The following ECPAS variants were observed in gnomAD, a reference collection of about 807,000 sequenced individuals.
ECPAS encodes the protein proteasome adapter and scaffold protein ECM29.
In ECPAS, 70 loss-of-function variants were observed where a neutral mutation model predicts 255.1. That is an observed-to-expected ratio of 0.27 (90% CI 0.23 to 0.33). ECPAS has a LOEUF of 0.33. Among genes scored for constraint, ECPAS ranks in the 10% least tolerant of loss-of-function variants. ECPAS has a pLI of 1.00. For missense variants in ECPAS, 1,817 were observed against 2,206.4 expected (o/e 0.82, Z 3.54); for synonymous variants, 784 against 775.0 (o/e 1.01, Z -0.19).
chr9:111,362,920 G>C (rs550040781), intron 49 of ECPAS, among the ~76,000 whole-genome samples: 2 of 152,288 alleles, frequency 1.3e-5, no homozygotes, highest in East Asian at 3.9e-4. Context: ...AGCCCTAAGA[G>C]AGGTGTTTTA....
intron 9 of ECPAS, among the ~76,000 whole-genome samples, chr9:111,430,195 C>T (rs1387664665): frequency 6.6e-6 from 1 of 152,150 alleles, no homozygotes; most frequent in African/African-American, 2.4e-5. Context: ...GGCACACAAC[C>T]ATGCTCATTC....
intron 2 of ECPAS, among the ~76,000 whole-genome samples, chr9:111,452,540 G>A (rs2098261671): frequency 6.6e-6 from 1 of 152,046 alleles, no homozygotes; most frequent in Non-Finnish European, 1.5e-5. Context: ...CACTGGGGAG[G>A]GGTTATGTAA....
rs1203490921 is a variant in ECPAS, at chr9:111,391,742, T to C, written c.3161+14A>G. The C allele has an allele frequency of 6.5e-7, 1 of 1,533,266 alleles. No individual in the cohort carries two copies. The highest frequency in any genetic ancestry group is 9.0e-7 in the Non-Finnish European group (1 of 1,109,826). The allele number at this position is 1,533,266 out of a possible 1,614,324, so 95.0% of individuals were successfully genotyped here. A position where few individuals can be genotyped will look rare whatever the true frequency, so the allele number is the denominator to read the frequency against. On this transcript the variant is annotated intron_variant, in intron 29 of 49. Coordinates refer to ENST00000684092, the MANE Select transcript of ECPAS (RefSeq NM_001364929.1). ...TTAAAGATGTTTACCATTCAATGGA[T>C]TTAGCATACTTACCCATCTGGTGTT...
At chr9:111,399,433 G>A (rs755706210) in intron 24 of ECPAS, among the ~76,000 whole-genome samples, 2 of 152,208 alleles carry the variant, frequency 1.3e-5, no homozygotes, top group African/African-American at 2.4e-5. Flanking sequence ...CTGTGTGCTT[G>A]GGTGAAGCAG....
At chr9:111,404,956 A>G (rs2098181856) in intron 24 of ECPAS, among the ~76,000 whole-genome samples, 1 of 149,632 alleles carries the variant, frequency 6.7e-6, no homozygotes. Context: ...CATGGATTGA[A>G]ATCGTATTAT....
At chr9:111,384,495 A>G in intron 34 of ECPAS, 27 bp downstream of exon 34, 1 of 1,606,538 alleles carries the variant, frequency 6.2e-7, no homozygotes. Context: ...GCTCCACTCC[A>G]TTCCCAATGT....
intron 1 of ECPAS, among the ~76,000 whole-genome samples, chr9:111,478,085 G>C (rs903858913): frequency 2.0e-5 from 3 of 151,336 alleles, no homozygotes; most frequent in Admixed American, 6.6e-5. Context: ...ATTTTTTGTA[G>C]TAACAGGGTT....
intron 1 of ECPAS, among the ~76,000 whole-genome samples, chr9:111,479,819 A>C (rs1420458484): frequency 1.3e-5 from 2 of 151,930 alleles, no homozygotes; most frequent in Non-Finnish European, 2.9e-5. Flanking sequence ...TCTCTACTAA[A>C]AATGCAAAAA....
At chr9:111,468,328 A>G (rs933272045) in intron 2 of ECPAS, among the ~76,000 whole-genome samples, 1 of 152,158 alleles carries the variant, frequency 6.6e-6, no homozygotes, top group Non-Finnish European at 1.5e-5. Context: ...AAGATTCCAA[A>G]ACTACTAAGT....
chr9:111,437,173 C>T, intron 6 of ECPAS, 65 bp from the exon 7 acceptor site: 1 of 1,304,936 alleles, frequency 7.7e-7, no homozygotes, highest in Middle Eastern at 1.9e-4. Context: ...TATATGTATA[C>T]AAAACATTCA....
intron 39 of ECPAS, 123 bp downstream of exon 39, chr9:111,373,849 G>A: frequency 1.4e-6 from 1 of 710,472 alleles, no homozygotes; most frequent in Non-Finnish European, 2.5e-6. Flanking sequence ...AGGGGACTGA[G>A]GGGAGAAAAG....
chr9:111,372,722 T>TA (rs2098128933), intron 41 of ECPAS, 102 bp from the exon 42 acceptor site: 1 of 897,496 alleles, frequency 1.1e-6, no homozygotes, highest in African/African-American at 1.7e-5. Flanking sequence ...AACAAACAGG[T>TA]AAAATCAATT....
chr9:111,479,587 C>T (rs370689647), intron 1 of ECPAS, among the ~76,000 whole-genome samples: 4 of 151,870 alleles, frequency 2.6e-5, no homozygotes, highest in Admixed American at 6.6e-5. Flanking sequence ...AGCAAGACTC[C>T]GTCTCCAGAA....
chr9:111,483,313 G>A (rs1163422710), intron 1 of ECPAS, among the ~76,000 whole-genome samples: 1 of 151,820 alleles, frequency 6.6e-6, no homozygotes, highest in Non-Finnish European at 1.5e-5. Context: ...GCAAACCTGA[G>A]GCCTACAAAC....
Position 111,412,067 on chromosome 9 carries a change from T to G in ECPAS, c.2161A>C (p.Asn721His). The G allele has an allele frequency of 6.3e-7, 1 of 1,592,728 alleles. No homozygotes were observed. Among genetic ancestry groups the G allele is most frequent in the East Asian group, 2.3e-5 (1 of 44,364 alleles). ...TGTTCTATCATTGATTTCAACTCAT[T>G]CCCCGACACTGTTGATACCACTACA... Reference protein sequence around the residue: ...YSVVVSTVSGNELKSMIEQLI... With the variant: ...YSVVVSTVSGHELKSMIEQLI... Residue 721 changes from asparagine (N) to histidine (H), a missense_variant, in exon 21 of 50, where the codon AAT becomes CAT. Asn to His is a moderately conservative substitution (Grantham distance 68, BLOSUM62 1). Transcript: ENST00000684092.
chr9:111,400,485 G>C (rs1251338332), intron 24 of ECPAS, among the ~76,000 whole-genome samples: 1 of 152,132 alleles, frequency 6.6e-6, no homozygotes, highest in African/African-American at 2.4e-5. Context: ...TGACCTCTCA[G>C]ACAGGGAATT....
At chr9:111,423,520 A>G (rs1218689945) in intron 12 of ECPAS, among the ~76,000 whole-genome samples, 1 of 152,210 alleles carries the variant, frequency 6.6e-6, no homozygotes, top group Non-Finnish European at 1.5e-5. Flanking sequence ...GTGGTCATAG[A>G]TATGAAAGGT....
chr9:111,408,025 C>A (rs16916073), intron 24 of ECPAS, among the ~76,000 whole-genome samples: 19,113 of 152,132 alleles, frequency 0.13, 1,481 homozygotes, highest in East Asian at 0.33. Context: ...AGGAAGTAGG[C>A]GGCTTTCAAA....
At position 111,366,277 on chromosome 9, in the gene ECPAS, A is replaced by G; in HGVS notation, c.5270T>C (p.Ile1757Thr). Reference sequence around the variant, plus strand: ...GATTGATTTACAAGTTTCAAGCAGAATTTCAGCCAAAGCCTCAGGATCGGC... The same window carrying G: ...GATTGATTTACAAGTTTCAAGCAGAGTTTCAGCCAAAGCCTCAGGATCGGC... The part of the protein sequence containing the change: ...EHADPEALAE[I>T]LLETCKSITY... The change falls in exon 48 of 50, where the codon ATT (isoleucine) becomes ACT (threonine). Residue 1757 changes from isoleucine (I) to threonine (T), a missense_variant. By Grantham distance (89) the Ile-to-Thr change is moderately conservative. This residue lies in a region of ECPAS where 960 missense variants were observed against 1,179.0 expected (regional missense o/e 0.81). Transcript: ENST00000684092. The G allele has an allele frequency of 6.3e-7, 1 of 1,578,578 alleles. No homozygotes were observed. Among genetic ancestry groups the G allele is most frequent in the Non-Finnish European group, 8.6e-7 (1 of 1,160,662 alleles).
Sources: allele counts gnomAD v4.1 joint callset (sites outside exome capture counted in the v4.1 genomes callset), GRCh38; gene constraint gnomAD v4.1.1; regional missense constraint gnomAD v4.1.1; transcripts MANE v1.5; gene names NCBI Gene and HGNC (gene_info 2026-07-23, HGNC 2026-07-21).